Variants in HDAC1 observed in about 807,000 individuals in gnomAD.
The protein encoded by HDAC1 is histone deacetylase 1.
A neutral mutation model predicts 65.5 loss-of-function variants in HDAC1; 18 were observed. The observed-to-expected ratio is 0.27, with a 90% CI of 0.19 to 0.41. The LOEUF (loss-of-function observed/expected upper bound fraction) is 0.41, where lower values mean the gene tolerates loss of function less well. Ranked by LOEUF, HDAC1 falls within the 10% of genes least tolerant of loss-of-function variation. The pLI is 1.00. For missense variants in HDAC1, 373 were observed against 625.2 expected, an observed-to-expected ratio of 0.60 and a Z score of 4.30; for synonymous variants, 211 against 227.9, an observed-to-expected ratio of 0.93 and a Z score of 0.67.
chr1:32,293,179 G>C (rs1640720802), intron 1 of HDAC1, among the ~76,000 whole-genome samples: 1 of 151,884 alleles, frequency 6.6e-6, no homozygotes, highest in South Asian at 2.1e-4. Context: ...AATTAGCCGC[G>C]CATGGTGGTG....
At position 32,333,406 on chromosome 1, in the gene HDAC1, G is replaced by A. The variant is rs1461384010; in HGVS notation, c.*362G>A. 1 of 163,858 alleles carries A rather than the reference G, an allele frequency of 6.1e-6. No homozygotes were observed. Among genetic ancestry groups the A allele is most frequent in the Non-Finnish European group, 1.3e-5 (1 of 75,904 alleles). 10.2% of individuals were successfully genotyped at this position (163,858 alleles called of 1,614,324 possible). On this transcript the variant is annotated 3_prime_UTR_variant, in exon 14 of 14. Coordinates refer to ENST00000373548, the MANE Select transcript of HDAC1 (RefSeq NM_004964.3). ...TAGAAGGGGTGGCTGGGTCTTCAAG[G>A]ATCTCCTGTTTTTTTCAGGCTCCTA...
At chr1:32,292,555 ACATT>A in intron 1 of HDAC1, 3 of 512,406 alleles carry the variant, frequency 5.9e-6, no homozygotes, top group Non-Finnish European at 7.5e-6. Flanking sequence ...CTGCAAGGAT[ACATT>A]TTCTTGCCGA....
chr1:32,292,309 G>T, intron 1 of HDAC1, 91 bp downstream of exon 1: 2 of 1,535,882 alleles, frequency 1.3e-6, no homozygotes, highest in Non-Finnish European at 8.8e-7. Context: ...GGAGGCTGCG[G>T]GAGGCTGAGG....
At chr1:32,318,120 C>A (rs993988519) in intron 3 of HDAC1, among the ~76,000 whole-genome samples, 2 of 152,166 alleles carry the variant, frequency 1.3e-5, no homozygotes, top group Non-Finnish European at 2.9e-5. Flanking sequence ...CCACCACGCC[C>A]GGCTAATTTT....
At chr1:32,321,013 C>T (rs542450385) in intron 3 of HDAC1, among the ~76,000 whole-genome samples, 368 of 150,540 alleles carry the variant, frequency 2.4e-3, no homozygotes, top group Non-Finnish European at 4.0e-3. Flanking sequence ...GGGCAGATCA[C>T]GAGGTCAGGA....
intron 2 of HDAC1, among the ~76,000 whole-genome samples, chr1:32,310,168 C>T (rs1331760926): frequency 6.6e-6 from 1 of 152,162 alleles, no homozygotes; most frequent in African/African-American, 2.4e-5. Flanking sequence ...TAAAGATTGT[C>T]CTCTGCTCAC....
In HDAC1 at chr1:32,332,692, G is replaced by T; in HGVS notation, c.1373-9G>T. 6.4e-7 allele frequency: 1 copy of T among 1,553,324 alleles called. No individual in the cohort carries two copies. Among genetic ancestry groups the T allele is most frequent in the Non-Finnish European group, 8.7e-7 (1 of 1,147,464 alleles). Reference sequence around the variant, plus strand: ...TGCCCTTGGCCATCCCTGTACTCTTGTGTTCTAGAAGTCACCGAAGAGGAG... The same window carrying T: ...TGCCCTTGGCCATCCCTGTACTCTTTTGTTCTAGAAGTCACCGAAGAGGAG... On this transcript the variant is annotated splice_polypyrimidine_tract_variant and intron_variant, in intron 12 of 13. Coordinates refer to ENST00000373548, the MANE Select transcript of HDAC1 (RefSeq NM_004964.3).
chr1:32,303,283 G>A (rs1024865377), intron 2 of HDAC1, among the ~76,000 whole-genome samples: 1 of 151,906 alleles, frequency 6.6e-6, no homozygotes, highest in Non-Finnish European at 1.5e-5. Flanking sequence ...GGGTCAACAT[G>A]GCAAGACCTC....
chr1:32,297,204 C>G (rs1028138652), intron 1 of HDAC1, among the ~76,000 whole-genome samples: 1 of 152,100 alleles, frequency 6.6e-6, no homozygotes, highest in African/African-American at 2.4e-5. Context: ...TCATTTTGCA[C>G]AGTTTTATGA....
At chr1:32,318,176 C>T (rs980697745) in intron 3 of HDAC1, among the ~76,000 whole-genome samples, 12 of 152,180 alleles carry the variant, frequency 7.9e-5, no homozygotes, top group South Asian at 6.2e-4. Flanking sequence ...CTCAAACTCC[C>T]GACCTCAGGT....
chr1:32,303,665 TA>T (rs984776660), intron 2 of HDAC1, among the ~76,000 whole-genome samples: 1 of 152,080 alleles, frequency 6.6e-6, no homozygotes, highest in African/African-American at 2.4e-5. Flanking sequence ...CTCCTAGGTT[TA>T]AAATGTTATC....
intron 2 of HDAC1, among the ~76,000 whole-genome samples, chr1:32,303,582 C>A (rs1020630251): frequency 6.6e-6 from 1 of 152,170 alleles, no homozygotes; most frequent in African/African-American, 2.4e-5. Context: ...CCTGTAGATT[C>A]AGCTACAGGT....
chr1:32,321,241 AAAT>A (rs890596466), intron 3 of HDAC1, among the ~76,000 whole-genome samples: 2 of 151,464 alleles, frequency 1.3e-5, no homozygotes, highest in African/African-American at 2.4e-5. Flanking sequence ...AAAAAAAAAA[AAAT>A]AATAATAATA....
At chr1:32,306,548 C>A (rs1445503213) in intron 2 of HDAC1, among the ~76,000 whole-genome samples, 1 of 152,210 alleles carries the variant, frequency 6.6e-6, no homozygotes, top group African/African-American at 2.4e-5. Flanking sequence ...CCTCAAGCTC[C>A]TGGACTCAAG....
chr1:32,297,706 G>A (rs550681454), intron 1 of HDAC1, among the ~76,000 whole-genome samples: 2 of 151,552 alleles, frequency 1.3e-5, no homozygotes, highest in African/African-American at 4.8e-5. Context: ...TGCCTCCAGG[G>A]TTCATGCCAT....
chr1:32,298,446 C>T (rs1640802252), intron 1 of HDAC1, among the ~76,000 whole-genome samples: 1 of 151,802 alleles, frequency 6.6e-6, no homozygotes, highest in South Asian at 2.1e-4. Context: ...TTCTTGATCT[C>T]CTTACCTCAT....
chr1:32,326,784 C>T (rs1641223678), intron 4 of HDAC1, among the ~76,000 whole-genome samples, 155 bp from the exon 5 acceptor site: 1 of 135,334 alleles, frequency 7.4e-6, no homozygotes, highest in Admixed American at 7.6e-5. Flanking sequence ...GTATTCCCTG[C>T]TGAAGTAGGG....
At chr1:32,296,233 G>A (rs1170830845) in intron 1 of HDAC1, among the ~76,000 whole-genome samples, 1 of 152,174 alleles carries the variant, frequency 6.6e-6, no homozygotes, top group African/African-American at 2.4e-5. Context: ...CGGAGAGGTA[G>A]GTGAACCAGA....
intron 2 of HDAC1, among the ~76,000 whole-genome samples, chr1:32,315,720 C>T (rs1641051803): frequency 6.7e-6 from 1 of 149,572 alleles, no homozygotes; most frequent in African/African-American, 2.5e-5. Context: ...TAATCCAGCA[C>T]TTTGGGAGGC....
Sources: gnomAD v4.1 joint callset for allele counts (sites outside exome capture counted in the v4.1 genomes callset) on GRCh38, gnomAD v4.1.1 for gene constraint, MANE v1.5 for transcripts, NCBI Gene and HGNC (gene_info 2026-07-23, HGNC 2026-07-21) for gene names.